The following L3MBTL4 variants were observed in gnomAD, a reference collection of about 807,000 sequenced individuals.
L3MBTL4 encodes the protein lethal(3)malignant brain tumor-like protein 4.
Under a neutral mutation model 84.5 loss-of-function variants are expected in L3MBTL4, and 70 were observed. The observed-to-expected ratio is 0.83, with a 90% CI of 0.68 to 1.01. L3MBTL4 has a LOEUF of 1.01. Ranked by LOEUF, L3MBTL4 falls within the 50% of genes least tolerant of loss-of-function variation. The pLI, the probability that L3MBTL4 is intolerant of heterozygous loss-of-function variation, is 0.00. For missense variants in L3MBTL4, 715 were observed against 754.8 expected (o/e 0.95, Z 0.62); for synonymous variants, 274 against 259.8 (o/e 1.05, Z -0.52).
At chr18:6,341,391 A>C (rs2052602104) in intron 1 of L3MBTL4, among the ~76,000 whole-genome samples, 1 of 152,078 alleles carries the variant, frequency 6.6e-6, no homozygotes, top group Admixed American at 6.5e-5. Context: ...ATATAAGGGA[A>C]ACAATGCATA....
intron 13 of L3MBTL4, among the ~76,000 whole-genome samples, chr18:6,150,119 T>G (rs1435192128): frequency 6.6e-6 from 1 of 152,222 alleles, no homozygotes; most frequent in Non-Finnish European, 1.5e-5. Flanking sequence ...CTAGTTTCAT[T>G]GATGGTGTCA....
intron 16 of L3MBTL4, among the ~76,000 whole-genome samples, chr18:6,040,225 T>C (rs1159803240): frequency 2.6e-5 from 4 of 152,148 alleles, no homozygotes; most frequent in Non-Finnish European, 5.9e-5. Context: ...ACACAAGAGA[T>C]CACATTAAAG....
At chr18:6,362,271 A>G (rs916002538) in intron 1 of L3MBTL4, among the ~76,000 whole-genome samples, 58 of 149,612 alleles carry the variant, frequency 3.9e-4, no homozygotes, top group African/African-American at 1.5e-3. Context: ...GGAAAGGAAA[A>G]GAAGAAAAAG....
chr18:6,235,647 A>G (rs139335640), intron 10 of L3MBTL4, among the ~76,000 whole-genome samples: 63 of 152,328 alleles, frequency 4.1e-4, no homozygotes, highest in African/African-American at 1.5e-3. Flanking sequence ...TAGAGGTGGA[A>G]AGCTGATTAA....
intron 1 of L3MBTL4, among the ~76,000 whole-genome samples, chr18:6,382,988 G>GT (rs1401739750): frequency 6.6e-6 from 1 of 151,352 alleles, no homozygotes; most frequent in Non-Finnish European, 1.5e-5. Context: ...GGGGCTTTGC[G>GT]TTTTTTTTCA....
At chr18:6,301,231 C>T (rs989586032) in intron 4 of L3MBTL4, among the ~76,000 whole-genome samples, 1 of 151,972 alleles carries the variant, frequency 6.6e-6, no homozygotes. Context: ...AATTAGAGGA[C>T]CATTATCATA....
chr18:5,995,975 C>T (rs1184161805), intron 16 of L3MBTL4, among the ~76,000 whole-genome samples: 1 of 152,216 alleles, frequency 6.6e-6, no homozygotes, highest in Non-Finnish European at 1.5e-5. Flanking sequence ...CCTGAGAATA[C>T]TCACCAGCTG....
intron 1 of L3MBTL4, among the ~76,000 whole-genome samples, chr18:6,382,964 G>A (rs8084056): frequency 0.23 from 34,239 of 150,462 alleles, 6,119 homozygotes; most frequent in African/African-American, 0.49. Context: ...GATTTTATCT[G>A]TAAGTCCCTG....
rs764768581 is a variant in L3MBTL4 at position 6,243,288 on chromosome 18, G to C, written c.460+6C>G. On this transcript the variant is annotated splice_donor_region_variant and intron_variant, in intron 7 of 18. Coordinates refer to ENST00000317931, the MANE Select transcript of L3MBTL4 (RefSeq NM_001330559.2). ...CTTTCCAGTTGGTAAATGTATCCTG[G>C]CTTACCCTTAGGGATGTGCAGTTCA... 1 of 1,549,676 alleles carries C rather than the reference G, an allele frequency of 6.5e-7. No homozygotes were observed. Among genetic ancestry groups the C allele is most frequent in the South Asian group, 1.3e-5 (1 of 77,222 alleles).
chr18:6,374,310 A>C (rs958834077), intron 1 of L3MBTL4: 4 of 154,134 alleles, frequency 2.6e-5, no homozygotes, highest in Non-Finnish European at 4.4e-5. Context: ...TGTCACGAGG[A>C]TTACATGGGT....
intron 3 of L3MBTL4, 53 bp downstream of exon 3, chr18:6,311,501 A>T: frequency 6.9e-7 from 1 of 1,458,626 alleles, no homozygotes; most frequent in Non-Finnish European, 9.6e-7. Context: ...TCCATGGTGC[A>T]TTTTGGTAGC....
At chr18:5,960,182 T>C (rs1355311376) in intron 17 of L3MBTL4, 26 bp from the exon 18 acceptor site, 6 of 1,464,174 alleles carry the variant, frequency 4.1e-6, no homozygotes, top group Non-Finnish European at 3.8e-6. Context: ...AAAAGCCTAA[T>C]TTAATACATG....
intron 16 of L3MBTL4, chr18:6,030,251 G>C (rs1163099996): frequency 2.1e-6 from 2 of 965,294 alleles, no homozygotes; most frequent in Non-Finnish European, 2.5e-6. Flanking sequence ...GGTTCAGGGA[G>C]AGATACCCCC....
chr18:5,963,506 C>T (rs2052170558), intron 17 of L3MBTL4, among the ~76,000 whole-genome samples: 1 of 152,224 alleles, frequency 6.6e-6, no homozygotes, highest in South Asian at 2.1e-4. Context: ...CATCCTCCAC[C>T]TGGCCACCCT....
chr18:6,301,975 G>A lies in L3MBTL4; in HGVS notation c.73-18C>T, dbSNP rs771149368. On this transcript the variant is annotated intron_variant, in intron 3 of 18. Coordinates refer to ENST00000317931, the MANE Select transcript of L3MBTL4 (RefSeq NM_001330559.2). ...GCTTGCTCCTAGAATACAGAAAATG[G>A]TGTTTAGATGGTATTGCTGGATAAT... 8 of 1,592,654 alleles carry A rather than the reference G, an allele frequency of 5.0e-6. No individual in the cohort carries two copies. The highest frequency in any genetic ancestry group is 2.2e-5 in the East Asian group (1 of 44,756).
intron 12 of L3MBTL4, among the ~76,000 whole-genome samples, chr18:6,182,740 T>C (rs778952830): frequency 2.6e-5 from 4 of 152,208 alleles, no homozygotes; most frequent in Non-Finnish European, 5.9e-5. Context: ...AGAGGTCTAG[T>C]TTCAATCTTC....
intron 4 of L3MBTL4, among the ~76,000 whole-genome samples, chr18:6,279,526 A>G (rs1015784377): frequency 6.6e-6 from 1 of 152,168 alleles, no homozygotes; most frequent in African/African-American, 2.4e-5. Context: ...TCAAGAACAA[A>G]GAGATCTCAG....
chr18:6,306,383 G>A (rs1044763192), intron 3 of L3MBTL4, among the ~76,000 whole-genome samples: 1 of 152,068 alleles, frequency 6.6e-6, no homozygotes, highest in African/African-American at 2.4e-5. Context: ...TAAAGTGTTT[G>A]CTAAGACACA....
At chr18:6,009,691 GT>G (rs2145370110) in intron 16 of L3MBTL4, among the ~76,000 whole-genome samples, 2 of 152,208 alleles carry the variant, frequency 1.3e-5, no homozygotes, top group Admixed American at 1.3e-4. Context: ...GTACTGTATA[GT>G]TTTTTACTTG....
Sources: gnomAD v4.1 joint callset for allele counts (sites outside exome capture counted in the v4.1 genomes callset) on GRCh38, gnomAD v4.1.1 for gene constraint, MANE v1.5 for transcripts, NCBI Gene and HGNC (gene_info 2026-07-23, HGNC 2026-07-21) for gene names.